The following DDR2 variants were observed in gnomAD, a reference collection of about 807,000 sequenced individuals.
The protein encoded by DDR2 is discoidin domain-containing receptor 2.
Under a neutral mutation model 94.9 loss-of-function variants are expected in DDR2, and 27 were observed. That is an observed-to-expected ratio of 0.28 (90% CI 0.21 to 0.39). DDR2 has a LOEUF of 0.39. Among genes scored for constraint, DDR2 ranks in the 10% least tolerant of loss-of-function variants. The probability of loss-of-function intolerance (pLI) is 1.00; values close to 1 mark genes in which losing one functional copy is unlikely to be tolerated. For missense variants in DDR2, 783 were observed against 1,076.0 expected (o/e 0.73, Z 3.81); for synonymous variants, 382 against 377.2 (o/e 1.01, Z -0.15).
intron 3 of DDR2, among the ~76,000 whole-genome samples, chr1:162,740,426 CACA>C (rs557197881): frequency 2.6e-4 from 39 of 152,130 alleles, no homozygotes; most frequent in Non-Finnish European, 5.0e-4. Context: ...AAACCACCTC[CACA>C]ACAAGCATGC....
intron 2 of DDR2, among the ~76,000 whole-genome samples, chr1:162,678,180 G>A (rs1020829671): frequency 4.6e-5 from 7 of 152,028 alleles, no homozygotes; most frequent in African/African-American, 1.4e-4. Flanking sequence ...GTTACCTATT[G>A]GTAGTTACCT....
At position 162,689,574 on chromosome 1, in the gene DDR2, A is replaced by AT. The variant is rs66495803; in HGVS notation, c.-27-29451dup. Among the ~76,000 whole-genome samples, 812 of 147,464 alleles carry AT rather than the reference A, an allele frequency of 5.5e-3. 10 individuals carry two copies. The highest frequency in any genetic ancestry group is 0.036 in the East Asian group (181 of 5,044). On this transcript the variant is annotated intron_variant, in intron 2 of 17. Coordinates refer to ENST00000367921, the MANE Select transcript of DDR2 (RefSeq NM_006182.4). ...AAAGACTGTCTTATTGGTCTCACTT[A>AT]TTTTTTTTTTTTGTTAGTCTTTGGG...
At chr1:162,676,947 A>G (rs1289935266) in intron 2 of DDR2, among the ~76,000 whole-genome samples, 1 of 152,186 alleles carries the variant, frequency 6.6e-6, no homozygotes, top group African/African-American at 2.4e-5. Context: ...ATAGTGGAAA[A>G]GTCAATGCCC....
intron 16 of DDR2, 51 bp from the exon 17 acceptor site, chr1:162,778,529 T>G (rs377148009): frequency 6.2e-7 from 1 of 1,609,626 alleles, no homozygotes; most frequent in South Asian, 1.1e-5. Context: ...TAACAGGGTG[T>G]TGTTGTGCAC....
At chr1:162,765,124 A>G (rs1211047120) in intron 9 of DDR2, among the ~76,000 whole-genome samples, 1 of 152,178 alleles carries the variant, frequency 6.6e-6, no homozygotes, top group African/African-American at 2.4e-5. Flanking sequence ...ATTCCCACCC[A>G]TCCTCAGGGA....
intron 7 of DDR2, 111 bp from the exon 8 acceptor site, chr1:162,759,685 A>G: frequency 8.1e-7 from 1 of 1,232,396 alleles, no homozygotes; most frequent in Non-Finnish European, 1.2e-6. Context: ...TTCCAAGATA[A>G]TAAGCTCATA....
chr1:162,782,590 CAT>C lies in DDR2; in HGVS notation c.*2345_*2346del, dbSNP rs1647965219. 1 of 147,232 alleles carries C rather than the reference CAT, an allele frequency of 6.8e-6. No individual in the cohort carries two copies. Among genetic ancestry groups the C allele is most frequent in the African/African-American group, 2.7e-5 (1 of 36,834 alleles). 9.1% of individuals were successfully genotyped at this position (147,232 alleles called of 1,614,324 possible). A position where few individuals can be genotyped will look rare whatever the true frequency, so the allele number is the denominator to read the frequency against. On this transcript the variant is annotated 3_prime_UTR_variant, in exon 18 of 18. Coordinates refer to ENST00000367921, the MANE Select transcript of DDR2 (RefSeq NM_006182.4). ...CCTGCAGCCTATTCTTCTTTATCCA[CAT>C]GTCTCTGGTAGGGCTACATCCAGAT... is the stretch of plus-strand genomic sequence containing the variant.
intron 3 of DDR2, among the ~76,000 whole-genome samples, chr1:162,746,529 G>A (rs189877152): frequency 1.3e-5 from 2 of 152,238 alleles, no homozygotes; most frequent in African/African-American, 4.8e-5. Context: ...CTCTGTAGAC[G>A]CCACCTCTGT....
chr1:162,766,588 C>T (rs903099344), intron 10 of DDR2, among the ~76,000 whole-genome samples: 2 of 152,070 alleles, frequency 1.3e-5, no homozygotes, highest in Non-Finnish European at 2.9e-5. Context: ...ACCTGTTTTT[C>T]ATGAGGTGTG....
chr1:162,693,234 G>T (rs766785409), intron 2 of DDR2, among the ~76,000 whole-genome samples: 1 of 152,124 alleles, frequency 6.6e-6, no homozygotes, highest in Non-Finnish European at 1.5e-5. Flanking sequence ...TATATTTCTG[G>T]CCCTGAGTGG....
intron 2 of DDR2, among the ~76,000 whole-genome samples, chr1:162,657,155 T>C (rs754372672): frequency 2.6e-5 from 4 of 152,080 alleles, no homozygotes; most frequent in Non-Finnish European, 4.4e-5. Flanking sequence ...TCTTAAACAA[T>C]GATTTCCATA....
intron 3 of DDR2, among the ~76,000 whole-genome samples, chr1:162,751,710 T>C (rs1445770509): frequency 6.6e-6 from 1 of 152,188 alleles, no homozygotes; most frequent in African/African-American, 2.4e-5. Flanking sequence ...ATGTTTATTG[T>C]GGCGCTATTC....
At chr1:162,700,352 C>T (rs773570836) in intron 2 of DDR2, among the ~76,000 whole-genome samples, 8 of 152,162 alleles carry the variant, frequency 5.3e-5, no homozygotes, top group Admixed American at 1.3e-4. Context: ...CTATTGTGGA[C>T]CCCATGACTA....
At chr1:162,672,409 T>G (rs1001059420) in intron 2 of DDR2, among the ~76,000 whole-genome samples, 1 of 152,154 alleles carries the variant, frequency 6.6e-6, no homozygotes, top group Non-Finnish European at 1.5e-5. Context: ...AACTTTTCCC[T>G]GTTATATTTC....
chr1:162,687,394 A>T (rs1403011322), intron 2 of DDR2, among the ~76,000 whole-genome samples: 2 of 152,174 alleles, frequency 1.3e-5, no homozygotes, highest in Non-Finnish European at 2.9e-5. Context: ...TGCTCATTAT[A>T]TGGACTCCCC....
At chr1:162,684,951 T>G (rs1659615756) in intron 2 of DDR2, among the ~76,000 whole-genome samples, 1 of 152,132 alleles carries the variant, frequency 6.6e-6, no homozygotes, top group Non-Finnish European at 1.5e-5. Flanking sequence ...AATCTACAGA[T>G]GTGGATAACA....
intron 14 of DDR2, 54 bp from the exon 15 acceptor site, chr1:162,775,598 C>T (rs1221364924): frequency 1.3e-6 from 2 of 1,594,740 alleles, no homozygotes; most frequent in Non-Finnish European, 8.6e-7. Flanking sequence ...TCTTCTCTCT[C>T]TTGATTCTGA....
At chr1:162,694,545 G>A (rs1005367444) in intron 2 of DDR2, among the ~76,000 whole-genome samples, 6 of 152,174 alleles carry the variant, frequency 3.9e-5, no homozygotes, top group Admixed American at 1.3e-4. Context: ...AAGTCCCTGT[G>A]TTCTCCTATC....
In DDR2 at chr1:162,633,534, G is replaced by A. The variant is rs530339140; in HGVS notation, c.-192+903G>A. ...CAGATGTAAAAAATGATAGGAAGGG[G>A]ACCGACCTGTTCAAGTCCCACAGCA... On this transcript the variant is annotated intron_variant, in intron 1 of 17. Coordinates refer to ENST00000367921, the MANE Select transcript of DDR2 (RefSeq NM_006182.4). Among the ~76,000 whole-genome samples the A allele has an allele frequency of 6.7e-4, 102 of 152,334 alleles. 1 individual carries two copies. The South Asian group carries it at 0.012, about 17-fold the overall frequency.
Sources: allele counts gnomAD v4.1 joint callset (sites outside exome capture counted in the v4.1 genomes callset), GRCh38; gene constraint gnomAD v4.1.1; transcripts MANE v1.5; gene names NCBI Gene and HGNC (gene_info 2026-07-23, HGNC 2026-07-21).